MRM1: variants seen among roughly 807,000 people sequenced by gnomAD.
MRM1 encodes mitochondrial rRNA methyltransferase 1.
In MRM1, 24 loss-of-function variants were observed where a neutral mutation model predicts 25.0. That is an observed-to-expected ratio of 0.96 (90% CI 0.69 to 1.35). MRM1 has a LOEUF of 1.35. Among genes scored for constraint, MRM1 ranks in the 40% most tolerant of loss-of-function variants. MRM1 has a pLI of 0.00. For synonymous variants in MRM1, 188 were observed against 199.2 expected, an observed-to-expected ratio of 0.94 and a Z score of 0.47; for missense variants, 431 against 464.1, an observed-to-expected ratio of 0.93 and a Z score of 0.65.
chr17:36,606,553 C>G (rs2074929843), intron 2 of MRM1, among the ~76,000 whole-genome samples: 1 of 151,046 alleles, frequency 6.6e-6, no homozygotes, highest in Admixed American at 6.6e-5. Context: ...GGATTACAGG[C>G]TGATTTTTGT....
chr17:36,608,550 G>A lies in MRM1; in HGVS notation c.*135G>A. 2.9e-6 allele frequency: 1 copy of A among 347,172 alleles called. No individual in the cohort carries two copies. The highest frequency in any genetic ancestry group is 6.1e-5 in the South Asian group (1 of 16,290). 21.5% of individuals were successfully genotyped at this position (347,172 alleles called of 1,614,324 possible). On this transcript the variant is annotated 3_prime_UTR_variant, in exon 5 of 5. Coordinates refer to ENST00000614766, the MANE Select transcript of MRM1 (RefSeq NM_024864.5). ...TATTGACCACAGTCTGGGGGGGGGG[G>A]AAGGGGACTGCGGTGGACACCAGAG...
chr17:36,631,362 G>T, the MRM1 span, among the ~76,000 whole-genome samples: 1 of 152,202 alleles, frequency 6.6e-6, no homozygotes, highest in South Asian at 2.1e-4. Context: ...AAATGATTTG[G>T]GGTACACATG....
chr17:36,601,807 C>T lies in MRM1; in HGVS notation c.-4C>T. On this transcript the variant is annotated 5_prime_UTR_variant, in exon 1 of 5. Transcript: ENST00000614766. The stretch of plus-strand genomic sequence containing the variant: ...GGCATCGAGTCCCTGGCGGGAGCTG[C>T]GCCATGGCATTGCTCTCGACCGTCC... 1 of 1,533,770 alleles carries T rather than the reference C, an allele frequency of 6.5e-7. No homozygotes were observed. Among genetic ancestry groups the T allele is most frequent in the African/African-American group, 1.4e-5 (1 of 73,058 alleles).
chr17:36,601,680 A>G lies in MRM1; in HGVS notation c.-131A>G, dbSNP rs2142828722. 2.0e-6 allele frequency: 2 copies of G among 993,824 alleles called. No individual in the cohort carries two copies. The highest frequency in any genetic ancestry group is 5.3e-5 in the East Asian group (2 of 37,426). The allele number at this position is 993,824 out of a possible 1,614,324, so 61.6% of individuals were successfully genotyped here. ...AATCGGGGCTGTTTGTTCCTGTCCGAGAGAGCTCGGCGGAGACGGCTGTCG... is the reference window on the plus strand; with the variant it reads ...AATCGGGGCTGTTTGTTCCTGTCCGGGAGAGCTCGGCGGAGACGGCTGTCG... On this transcript the variant is annotated 5_prime_UTR_variant, in exon 1 of 5. Coordinates refer to ENST00000614766, the MANE Select transcript of MRM1 (RefSeq NM_024864.5).
chr17:36,612,543 G>A (rs532242795), downstream of MRM1, among the ~76,000 whole-genome samples: 1 of 152,298 alleles, frequency 6.6e-6, no homozygotes, highest in African/African-American at 2.4e-5. Context: ...GGAGGCTGTG[G>A]CTGTGGGTGT....
the MRM1 span, among the ~76,000 whole-genome samples, chr17:36,625,568 T>A: frequency 1.3e-3 from 189 of 148,258 alleles, 1 homozygote; most frequent in African/African-American, 4.6e-3. Context: ...TTCAAATGAT[T>A]CTCCTGCCTC....
At chr17:36,618,656 G>T in the MRM1 span, among the ~76,000 whole-genome samples, 114 of 152,260 alleles carry the variant, frequency 7.5e-4, no homozygotes, top group African/African-American at 2.6e-3. Context: ...CACTGGGAGC[G>T]GACAGCCCAG....
chr17:36,608,322 C>T lies in MRM1; in HGVS notation c.969C>T (p.Pro323=). Residue 323 remains proline (P), a synonymous_variant, in exon 5 of 5, where the codon CCC becomes CCT. Transcript: ENST00000614766. ...EGERRQLLQD[P]QEPSARSEGL... ...AGAGAAGGCAGCTTCTCCAAGACCCCCAAGAACCCTCAGCCAGGTCTGAAG... is the reference window on the plus strand; with the variant it reads ...AGAGAAGGCAGCTTCTCCAAGACCCTCAAGAACCCTCAGCCAGGTCTGAAG... 6.2e-7 allele frequency: 1 copy of T among 1,611,246 alleles called. No homozygotes were observed. Among genetic ancestry groups the T allele is most frequent in the Middle Eastern group, 1.7e-4 (1 of 6,026 alleles).
chr17:36,602,158 C>G lies in MRM1; in HGVS notation c.348C>G (p.His116Gln). The G allele has an allele frequency of 6.2e-7, 1 of 1,613,226 alleles. No individual in the cohort carries two copies. The highest frequency in any genetic ancestry group is 8.5e-7 in the Non-Finnish European group (1 of 1,179,730). ...KLDTMCRYQVHQGVCMEVSPL... is the reference protein window; with the variant it reads ...KLDTMCRYQVQQGVCMEVSPL... ...ACACAATGTGCCGCTACCAGGTCCA[C>G]CAGGGTGTCTGCATGGAGGTGAGCC... The change falls in exon 1 of 5, where the codon CAC (histidine) becomes CAG (glutamine). Residue 116 changes from histidine (H) to glutamine (Q), a missense_variant. Transcript: ENST00000614766. The surrounding 1 kb of genome is among the most constrained non-coding windows in gnomAD (Gnocchi z 4.1).
At chr17:36,632,063 C>T in the MRM1 span, among the ~76,000 whole-genome samples, 1 of 152,136 alleles carries the variant, frequency 6.6e-6, no homozygotes, top group Non-Finnish European at 1.5e-5. Flanking sequence ...CTATGTTGGC[C>T]AGGCTGGTCT....
the MRM1 span, among the ~76,000 whole-genome samples, chr17:36,615,654 C>G: frequency 6.9e-6 from 1 of 144,750 alleles, no homozygotes; most frequent in Admixed American, 6.9e-5. Flanking sequence ...AGCAAAACTC[C>G]GTCTCAAAAA....
chr17:36,603,586 A>G (rs912628826), intron 2 of MRM1, among the ~76,000 whole-genome samples: 4 of 150,912 alleles, frequency 2.7e-5, no homozygotes, highest in Admixed American at 6.6e-5. Context: ...TTGTATTTAG[A>G]TGGGGTTTCA....
downstream of MRM1, among the ~76,000 whole-genome samples, chr17:36,613,145 T>A (rs1409686308): frequency 6.6e-6 from 1 of 152,116 alleles, no homozygotes; most frequent in Non-Finnish European, 1.5e-5. Flanking sequence ...GCACCCCAGA[T>A]CCCTGCTGCA....
At chr17:36,608,159 G>C (rs2074948120) in intron 4 of MRM1, 84 bp from the exon 5 acceptor site, 5 of 1,522,354 alleles carry the variant, frequency 3.3e-6, no homozygotes, top group Non-Finnish European at 8.9e-7. Flanking sequence ...CCGTTGATGA[G>C]ATGAGGGGCT....
chr17:36,603,765 C>T (rs1047320333), intron 2 of MRM1, among the ~76,000 whole-genome samples: 2 of 152,308 alleles, frequency 1.3e-5, no homozygotes, highest in African/African-American at 4.8e-5. Context: ...CAACACACCT[C>T]GATTTGAATT....
At chr17:36,619,376 C>A in the MRM1 span, among the ~76,000 whole-genome samples, 1 of 152,134 alleles carries the variant, frequency 6.6e-6, no homozygotes, top group Non-Finnish European at 1.5e-5. Flanking sequence ...CGCTTCAAGA[C>A]CCTGCCTTGG....
At chr17:36,613,838 C>T (rs1300318669), downstream of MRM1, among the ~76,000 whole-genome samples, 2 of 146,374 alleles carry the variant, frequency 1.4e-5, no homozygotes, top group South Asian at 4.5e-4. Flanking sequence ...GTCAGAAGTC[C>T]GGTACCAAAA....
At chr17:36,613,203 C>T (rs1567851245), downstream of MRM1, among the ~76,000 whole-genome samples, 4 of 152,010 alleles carry the variant, frequency 2.6e-5, no homozygotes, top group Admixed American at 6.6e-5. Flanking sequence ...AATCCCCCTC[C>T]CCCTAGGTTG....
the MRM1 span, among the ~76,000 whole-genome samples, chr17:36,618,393 G>C: frequency 6.6e-6 from 1 of 152,148 alleles, no homozygotes; most frequent in African/African-American, 2.4e-5. Context: ...TAGAGCAGGG[G>C]AAGGGGACAT....
Sources: allele counts gnomAD v4.1 joint callset (sites outside exome capture counted in the v4.1 genomes callset), GRCh38; gene constraint gnomAD v4.1.1; non-coding constraint Gnocchi (gnomAD v3.1); transcripts MANE v1.5; gene names NCBI Gene and HGNC (gene_info 2026-07-23, HGNC 2026-07-21).